The following CCDC171 variants were observed in gnomAD, a reference collection of about 807,000 sequenced individuals.
CCDC171 encodes coiled-coil domain containing 171.
A neutral mutation model predicts 168.2 loss-of-function variants in CCDC171; 177 were observed. The ratio of observed to expected loss-of-function variants is 1.05; its 90% CI spans 0.93 to 1.19. The LOEUF is 1.19. Ranked by LOEUF, CCDC171 falls within the 50% of genes most tolerant of loss-of-function variation. CCDC171 has a pLI of 0.00. For missense variants in CCDC171, 1,991 were observed against 1,539.0 expected (o/e 1.29, Z -4.91); for synonymous variants, 687 against 540.8 (o/e 1.27, Z -3.75).
chr9:15,887,648 T>C (rs1819613564), intron 24 of CCDC171: 1 of 152,116 alleles, frequency 6.6e-6, no homozygotes, highest in Non-Finnish European at 1.5e-5. Context: ...AAATCAACTC[T>C]TTATCTGAAA....
At chr9:15,806,891 TC>T (rs2059108670) in intron 21 of CCDC171, among the ~76,000 whole-genome samples, 1 of 152,228 alleles carries the variant, frequency 6.6e-6, no homozygotes, top group Non-Finnish European at 1.5e-5. Flanking sequence ...CTTTACGTAA[TC>T]CCATGTTTCT....
In CCDC171 at chr9:15,925,230, C is replaced by T. The variant is rs150505569; in HGVS notation, c.3753+4808C>T. ...GAGTTTTTTAAACAATGGGGCTGTC[C>T]TAGACTAGGGTATGAGTAAAACATT... On this transcript the variant is annotated intron_variant, in intron 25 of 25. Transcript: ENST00000380701. 2.6e-5 allele frequency among the ~76,000 whole-genome samples: 4 copies of T among 151,580 alleles called. No individual in the cohort carries two copies. The Admixed American group carries it at 2.6e-4, about 10-fold the overall frequency.
chr9:15,614,728 A>G (rs995589956), intron 6 of CCDC171, among the ~76,000 whole-genome samples: 1 of 152,226 alleles, frequency 6.6e-6, no homozygotes, highest in African/African-American at 2.4e-5. Flanking sequence ...TTTTAAAAAT[A>G]TCATGTTTTC....
At chr9:16,067,872 A>G in the CCDC171 span, among the ~76,000 whole-genome samples, 1 of 152,106 alleles carries the variant, frequency 6.6e-6, no homozygotes, top group Non-Finnish European at 1.5e-5. Context: ...GTAGCCTTGT[A>G]GTATAGTTTG....
At chr9:15,877,135 T>C (rs943060500) in intron 24 of CCDC171, among the ~76,000 whole-genome samples, 1 of 152,030 alleles carries the variant, frequency 6.6e-6, no homozygotes, top group Non-Finnish European at 1.5e-5. Flanking sequence ...TCAGTTCAAC[T>C]TGTTTCTGAG....
At chr9:15,813,628 A>G (rs1201728758) in intron 21 of CCDC171, among the ~76,000 whole-genome samples, 1 of 140,302 alleles carries the variant, frequency 7.1e-6, no homozygotes, top group Non-Finnish European at 1.6e-5. Flanking sequence ...GTGTGTATAT[A>G]TATATATATT....
chr9:15,672,133 C>G (rs1257518784), intron 9 of CCDC171, among the ~76,000 whole-genome samples: 2 of 152,220 alleles, frequency 1.3e-5, no homozygotes, highest in Non-Finnish European at 2.9e-5. Flanking sequence ...TGTCTGTTGG[C>G]TGCATAAATA....
At chr9:15,812,079 T>C (rs557899015) in intron 21 of CCDC171, among the ~76,000 whole-genome samples, 2 of 152,168 alleles carry the variant, frequency 1.3e-5, no homozygotes, top group South Asian at 4.2e-4. Flanking sequence ...TTGAACAAGG[T>C]ATTAAAAAAA....
At chr9:15,677,925 T>TTTATA (rs2049743945) in intron 9 of CCDC171, among the ~76,000 whole-genome samples, 1 of 41,862 alleles carries the variant, frequency 2.4e-5, no homozygotes, top group African/African-American at 1.0e-4. Context: ...TATATATATA[T>TTTATA]AAGAGATGTG....
intron 16 of CCDC171, 24 bp from the exon 17 acceptor site, chr9:15,744,249 T>A (rs374045709): frequency 9.8e-6 from 15 of 1,535,808 alleles, no homozygotes; most frequent in Non-Finnish European, 1.1e-5. Context: ...CATGATCAAA[T>A]ATATTTTTTG....
chr9:15,585,328 T>C (rs111308038), intron 4 of CCDC171, among the ~76,000 whole-genome samples: 1 of 152,250 alleles, frequency 6.6e-6, no homozygotes, highest in Non-Finnish European at 1.5e-5. Context: ...GGTCCAAAGT[T>C]GGGGAAAAAG....
intron 1 of CCDC171, among the ~76,000 whole-genome samples, chr9:15,556,453 C>G (rs1225358428): frequency 2.0e-5 from 3 of 152,108 alleles, no homozygotes; most frequent in Admixed American, 2.0e-4. Context: ...GAGATGGTAT[C>G]TCATTGTGGT....
chr9:16,007,110 T>C (rs1832725485), intron 3 of CCDC171, among the ~76,000 whole-genome samples: 1 of 152,222 alleles, frequency 6.6e-6, no homozygotes, highest in Non-Finnish European at 1.5e-5. Context: ...CCTGACTTTT[T>C]AATGATCGCC....
At chr9:15,857,393 T>C (rs1349383639) in intron 23 of CCDC171, among the ~76,000 whole-genome samples, 1 of 151,890 alleles carries the variant, frequency 6.6e-6, no homozygotes, top group Non-Finnish European at 1.5e-5. Flanking sequence ...CCATTGTAAA[T>C]AGATTTTTTT....
chr9:15,587,782 G>A, intron 4 of CCDC171: 1 of 322,754 alleles, frequency 3.1e-6, no homozygotes, highest in Non-Finnish European at 6.5e-6. Flanking sequence ...GATATATGAG[G>A]AAACCCTTTA....
intron 24 of CCDC171, among the ~76,000 whole-genome samples, chr9:15,903,910 G>A (rs1006457577): frequency 2.0e-5 from 3 of 152,154 alleles, no homozygotes. Context: ...TTGATCAACT[G>A]GAAGAAAGGG....
intron 8 of CCDC171, 128 bp downstream of exon 8, chr9:15,657,347 A>G (rs994435793): frequency 3.4e-6 from 2 of 580,504 alleles, no homozygotes; most frequent in Non-Finnish European, 6.3e-6. Context: ...TATGACACTC[A>G]TTATTGTATA....
At chr9:15,825,149 T>G (rs1484165637) in intron 21 of CCDC171, among the ~76,000 whole-genome samples, 1 of 152,148 alleles carries the variant, frequency 6.6e-6, no homozygotes, top group African/African-American at 2.4e-5. Context: ...TTTTTCTAGT[T>G]TACACTATTA....
intron 8 of CCDC171, among the ~76,000 whole-genome samples, chr9:15,660,462 G>T (rs1250190889): frequency 2.0e-5 from 3 of 151,980 alleles, no homozygotes; most frequent in African/African-American, 4.8e-5. Flanking sequence ...TTCAACTCTT[G>T]CCCCCTTCCT....
Sources: gnomAD v4.1 joint callset for allele counts (sites outside exome capture counted in the v4.1 genomes callset) on GRCh38, gnomAD v4.1.1 for gene constraint, MANE v1.5 for transcripts, NCBI Gene and HGNC (gene_info 2026-07-23, HGNC 2026-07-21) for gene names.